The following DAB1 variants were observed in gnomAD, a reference collection of about 807,000 sequenced individuals.
DAB1 encodes the protein DAB adaptor protein 1.
In DAB1, 15 loss-of-function variants were observed where a neutral mutation model predicts 64.6. The ratio of observed to expected loss-of-function variants is 0.23; its 90% CI spans 0.16 to 0.36. The LOEUF is 0.36. Ranked by LOEUF, DAB1 falls within the 10% of genes least tolerant of loss-of-function variation. DAB1 has a pLI of 1.00. For missense variants in DAB1, 596 were observed against 706.7 expected, an observed-to-expected ratio of 0.84 and a Z score of 1.78; for synonymous variants, 235 against 251.9, an observed-to-expected ratio of 0.93 and a Z score of 0.64.
intron 7 of DAB1, among the ~76,000 whole-genome samples, chr1:57,530,080 T>C (rs1024934173): frequency 2.6e-5 from 4 of 152,118 alleles, no homozygotes; most frequent in Admixed American, 6.5e-5. Flanking sequence ...CCAGAGTAAA[T>C]ACATGCTATT....
chr1:57,544,745 G>C (rs903877337), intron 7 of DAB1, among the ~76,000 whole-genome samples: 1 of 152,186 alleles, frequency 6.6e-6, no homozygotes, highest in Non-Finnish European at 1.5e-5. Flanking sequence ...TTGATAGTGA[G>C]TGAGTTCTCA....
At chr1:57,322,199 A>G (rs936819899) in intron 1 of DAB1, among the ~76,000 whole-genome samples, 1 of 152,180 alleles carries the variant, frequency 6.6e-6, no homozygotes, top group African/African-American at 2.4e-5. Context: ...ATGACGTGAT[A>G]TCTACATTAT....
At chr1:57,390,857 T>A (rs1682289436) in intron 1 of DAB1, among the ~76,000 whole-genome samples, 1 of 152,234 alleles carries the variant, frequency 6.6e-6, no homozygotes, top group Non-Finnish European at 1.5e-5. Context: ...CATTCTAAGG[T>A]GGAAATCTGC....
intron 6 of DAB1, among the ~76,000 whole-genome samples, chr1:57,737,447 G>T (rs1053275712): frequency 6.6e-6 from 1 of 152,158 alleles, no homozygotes; most frequent in East Asian, 1.9e-4. Context: ...CCCTTTGCAC[G>T]TCTCAGTTTC....
intron 6 of DAB1, among the ~76,000 whole-genome samples, chr1:57,735,889 T>C (rs1647669326): frequency 6.6e-6 from 1 of 152,132 alleles, no homozygotes. Flanking sequence ...CCGGGATTAA[T>C]GCACTTCTAG....
At chr1:57,482,477 TAAAAAAAAAAAAAAA>T (rs918167439) in intron 7 of DAB1, among the ~76,000 whole-genome samples, 1 of 61,200 alleles carries the variant, frequency 1.6e-5, no homozygotes. Flanking sequence ...CTGAAAGTTG[TAAAAAAAAAAAAAAA>T]AAAAAAAAAA....
At chr1:57,136,086 T>C (rs971903706) in intron 4 of DAB1, among the ~76,000 whole-genome samples, 1 of 152,178 alleles carries the variant, frequency 6.6e-6, no homozygotes, top group Non-Finnish European at 1.5e-5. Context: ...ATAGATTTCT[T>C]TTTTAAGATT....
intron 3 of DAB1, among the ~76,000 whole-genome samples, chr1:58,450,969 C>G (rs1645129153): frequency 6.6e-6 from 1 of 152,164 alleles, no homozygotes; most frequent in Non-Finnish European, 1.5e-5. Flanking sequence ...TACAAAATAC[C>G]TGACCGGTAC....
At chr1:58,100,300 T>C (rs1218638482) in intron 5 of DAB1, among the ~76,000 whole-genome samples, 3 of 152,230 alleles carry the variant, frequency 2.0e-5, no homozygotes, top group African/African-American at 7.2e-5. Flanking sequence ...TGTCTATGAA[T>C]TGGCCTATTT....
At chr1:58,096,269 C>T (rs1650974458) in intron 5 of DAB1, among the ~76,000 whole-genome samples, 2 of 152,192 alleles carry the variant, frequency 1.3e-5, no homozygotes, top group African/African-American at 4.8e-5. Flanking sequence ...TTTTCCATGG[C>T]CTCTTTTTGG....
At chr1:58,176,566 A>C (rs1406211084) in intron 4 of DAB1, among the ~76,000 whole-genome samples, 2 of 152,154 alleles carry the variant, frequency 1.3e-5, no homozygotes, top group African/African-American at 4.8e-5. Context: ...GAGGGCCTTT[A>C]CCATCACAAG....
At chr1:58,105,982 C>T (rs188840747) in intron 5 of DAB1, among the ~76,000 whole-genome samples, 20 of 152,280 alleles carry the variant, frequency 1.3e-4, no homozygotes, top group Admixed American at 1.1e-3. Context: ...CGTTAAATCC[C>T]TCAAGGAGCT....
chr1:58,028,165 T>A (rs6587794), intron 5 of DAB1, among the ~76,000 whole-genome samples: 3 of 152,078 alleles, frequency 2.0e-5, no homozygotes, highest in Non-Finnish European at 2.9e-5. Context: ...GATTATTATC[T>A]GCAGTAGCTA....
At chr1:57,763,301 C>T (rs1649165039) in intron 6 of DAB1, among the ~76,000 whole-genome samples, 1 of 151,972 alleles carries the variant, frequency 6.6e-6, no homozygotes, top group South Asian at 2.1e-4. Flanking sequence ...GATACATAGC[C>T]AGTAAGTTTG....
intron 5 of DAB1, among the ~76,000 whole-genome samples, chr1:58,131,104 G>A (rs1653532249): frequency 2.1e-5 from 3 of 140,170 alleles, no homozygotes; most frequent in Non-Finnish European, 3.1e-5. Context: ...CCAATCAGAC[G>A]TAGATTTGGT....
At chr1:57,805,448 TC>T (rs1304277433) in intron 6 of DAB1, among the ~76,000 whole-genome samples, 1 of 152,232 alleles carries the variant, frequency 6.6e-6, no homozygotes, top group Non-Finnish European at 1.5e-5. Flanking sequence ...TCTGTGCTTT[TC>T]CCCAGGTTAT....
chr1:57,256,070 T>C (rs1378951342), intron 2 of DAB1, among the ~76,000 whole-genome samples: 4 of 152,226 alleles, frequency 2.6e-5, no homozygotes, highest in Non-Finnish European at 4.4e-5. Flanking sequence ...AGCACGTTAC[T>C]TCCCATGCTG....
intron 4 of DAB1, among the ~76,000 whole-genome samples, chr1:57,128,264 C>T (rs1458739663): frequency 6.6e-6 from 1 of 151,834 alleles, no homozygotes; most frequent in Non-Finnish European, 1.5e-5. Flanking sequence ...TCACTCATCC[C>T]AAAAATCAGC....
At chr1:58,169,791 A>T (rs1656062281) in intron 4 of DAB1, among the ~76,000 whole-genome samples, 1 of 152,110 alleles carries the variant, frequency 6.6e-6, no homozygotes, top group Non-Finnish European at 1.5e-5. Flanking sequence ...CAAGCAAAGA[A>T]ATCTCCAAAG....
Sources: allele counts gnomAD v4.1 joint callset (sites outside exome capture counted in the v4.1 genomes callset), GRCh38; gene constraint gnomAD v4.1.1; transcripts MANE v1.5; gene names NCBI Gene and HGNC (gene_info 2026-07-23, HGNC 2026-07-21).